The following PSAPL1 variants were observed in gnomAD, a reference collection of about 807,000 sequenced individuals.
PSAPL1 encodes proactivator polypeptide-like 1.
For synonymous variants in PSAPL1, 351 were observed against 291.6 expected (o/e 1.20, Z -2.08); for missense variants, 814 against 688.8 (o/e 1.18, Z -2.03).
In PSAPL1 at chr4:7,432,925, C is replaced by T. The variant is rs534186864; in HGVS notation, c.*389G>A. The T allele has an allele frequency of 7.7e-4, 128 of 165,584 alleles. No homozygotes were observed. The highest frequency in any genetic ancestry group is 2.6e-3 in the African/African-American group (109 of 42,200). 10.3% of individuals were successfully genotyped at this position (165,584 alleles called of 1,614,324 possible). A position where few individuals can be genotyped will look rare whatever the true frequency, so the allele number is the denominator to read the frequency against. On this transcript the variant is annotated 3_prime_UTR_variant, in exon 1 of 1. Transcript: ENST00000319098. ...CGAAGCCTCCGTCCACCCCTGCCTCCGCTCACCCCGGCCATGACCCCAGCC... is the reference window on the plus strand; with the variant it reads ...CGAAGCCTCCGTCCACCCCTGCCTCTGCTCACCCCGGCCATGACCCCAGCC...
At position 7,434,288 on chromosome 4, in the gene PSAPL1, C is replaced by G. The variant is rs1264082711; in HGVS notation, c.592G>C (p.Val198Leu). The change falls in exon 1 of 1, where the codon GTC (valine) becomes CTC (leucine). Residue 198 changes from valine (V) to leucine (L), a missense_variant. Transcript: ENST00000319098. ...VRQVSRLQEAVRSNLTLADLN... is the reference protein window; with the variant it reads ...VRQVSRLQEALRSNLTLADLN... ...TCGGCCAAGGTCAAGTTGGACCGGA[C>G]AGCCTCCTGGAGTCGGGAGACCTGC... is the stretch of plus-strand genomic sequence containing the variant. 1.2e-6 allele frequency: 2 copies of G among 1,612,888 alleles called. No individual in the cohort carries two copies. Among genetic ancestry groups the G allele is most frequent in the South Asian group, 1.1e-5 (1 of 90,990 alleles).
At chr4:7,433,439 G>A in the PSAPL1 span, 1 of 1,537,210 alleles carries the variant, frequency 6.5e-7, no homozygotes. Flanking sequence ...AGGGCACACT[G>A]GTCGGTGCCC....
rs770508380 is a variant in PSAPL1 at position 7,433,979 on chromosome 4, C to T, written c.901G>A (p.Val301Met). The T allele has an allele frequency of 2.5e-6, 4 of 1,613,830 alleles. No homozygotes were observed. The South Asian group carries it at 4.4e-5, about 18-fold the overall frequency. The change falls in exon 1 of 1, where the codon GTG (valine) becomes ATG (methionine). Residue 301 changes from valine to methionine, a missense_variant. Physicochemically the swap from Val to Met is conservative, Grantham distance 21. Coordinates refer to ENST00000319098, the MANE Select transcript of PSAPL1 (RefSeq NM_001085382.2). ...ATGAGCCAGTGGTCCAGCTTCTGCA[C>T]CACGTTCATGCACACCTCACAGGTC... ...GVTCEVCMNV[V>M]QKLDHWLMSN...
rs751440655 is a variant in PSAPL1 at position 7,434,009 on chromosome 4, C to T, written c.871G>A (p.Gly291Ser). ...TTCATGCACACCTCACAGGTCACAC[C>T]GGCCTTCATCTGCATCTCGCTCTGT... ...RKQSEMQMKA[G>S]VTCEVCMNVV... The change falls in exon 1 of 1, where the codon GGT becomes AGT. Residue 291 changes from glycine to serine, a missense_variant. By Grantham distance (56) the Gly-to-Ser change is moderately conservative. Transcript: ENST00000319098. 33 of 1,612,248 alleles carry T rather than the reference C, an allele frequency of 2.0e-5. No individual in the cohort carries two copies. The highest frequency in any genetic ancestry group is 1.6e-4 in the Middle Eastern group (1 of 6,082).
Position 7,433,324 on chromosome 4 carries a change from T to G in PSAPL1, c.1556A>C (p.Glu519Ala). The G allele has an allele frequency of 5.0e-6, 7 of 1,409,084 alleles. No homozygotes were observed. The highest frequency in any genetic ancestry group is 6.5e-6 in the Non-Finnish European group (7 of 1,078,268). 87.3% of individuals were successfully genotyped at this position (1,409,084 alleles called of 1,614,324 possible). ...VWKEMHLHAG[E>A]HA is the part of the protein sequence containing the mutation. The stretch of plus-strand genomic sequence containing the variant: ...CTCTGGCAGCCACGGTCACGCGTGT[T>G]CCCCAGCGTGGAGGTGCATCTCTTT... The change falls in exon 1 of 1, where the codon GAA becomes GCA. Residue 519 changes from glutamate (E) to alanine (A), a missense_variant. Transcript: ENST00000319098.
In PSAPL1 at chr4:7,433,987, A is replaced by G. The variant is rs1219643353; in HGVS notation, c.893T>C (p.Met298Thr). The stretch of plus-strand genomic sequence containing the variant: ...GTGGTCCAGCTTCTGCACCACGTTC[A>G]TGCACACCTCACAGGTCACACCGGC... ...MKAGVTCEVC[M>T]NVVQKLDHWL... Residue 298 changes from methionine (M) to threonine (T), a missense_variant, in exon 1 of 1, where the codon ATG becomes ACG. Transcript: ENST00000319098. 42 of 1,613,672 alleles carry G rather than the reference A, an allele frequency of 2.6e-5. No homozygotes were observed. Among genetic ancestry groups the G allele is most frequent in the Non-Finnish European group, 3.5e-5 (41 of 1,179,840 alleles).
In PSAPL1 at chr4:7,433,494, C is replaced by T. The variant is rs766198360; in HGVS notation, c.1386G>A (p.Val462=). 2.5e-6 allele frequency: 4 copies of T among 1,595,050 alleles called. No individual in the cohort carries two copies. Among genetic ancestry groups the T allele is most frequent in the Non-Finnish European group, 3.4e-6 (4 of 1,171,618 alleles). The change falls in exon 1 of 1, where the codon GTG becomes GTA. Residue 462 remains valine, a synonymous_variant. Transcript: ENST00000319098. ...SLKDMMDPVA[V]CKKVGACHGP... is the part of the protein sequence containing the mutation. ...CGTGGCAGGCCCCCACCTTCTTGCA[C>T]ACAGCCACGGGGTCCATCATGTCCT...
chr4:7,434,554 C>CTGA lies in PSAPL1; in HGVS notation c.325_326insTCA (p.Trp109delinsPheArg). The stretch of plus-strand genomic sequence containing the variant: ...GGCCGAACTGTGGGCATCCACCATC[C>CTGA]ACTTGCATCCGGCTGAAGACTCCTG... On this transcript the variant is annotated protein_altering_variant, in exon 1 of 1. Transcript: ENST00000319098. 1 of 1,613,516 alleles carries CTGA rather than the reference C, an allele frequency of 6.2e-7. No individual in the cohort carries two copies.
the PSAPL1 span, chr4:7,434,040 TG>T: frequency 6.2e-7 from 1 of 1,611,442 alleles, no homozygotes. Flanking sequence ...TCTGTTTCCT[TG>T]GCAACCCCAG....
Position 7,432,909 on chromosome 4 carries a change from C to T in PSAPL1, c.*405G>A, listed in dbSNP as rs1416186921. 14 of 161,844 alleles carry T rather than the reference C, an allele frequency of 8.7e-5. No individual in the cohort carries two copies. Among genetic ancestry groups the T allele is most frequent in the African/African-American group, 2.1e-4 (9 of 41,912 alleles). 10.0% of individuals were successfully genotyped at this position (161,844 alleles called of 1,614,324 possible). A position where few individuals can be genotyped will look rare whatever the true frequency, so the allele number is the denominator to read the frequency against. On this transcript the variant is annotated 3_prime_UTR_variant, in exon 1 of 1. Transcript: ENST00000319098. ...ACTAGTGATGGGCCCTCGAAGCCTC[C>T]GTCCACCCCTGCCTCCGCTCACCCC...
Position 7,434,652 on chromosome 4 carries a change from A to G in PSAPL1, c.228T>C (p.Asn76=). ...ACTCCGTGGCGTCAGGGTTCAGCCC[A>G]TTGCCAGCGGCGGCTGCTATGTCCT... ...VCQDIAAAAG[N]GLNPDATESD... The change falls in exon 1 of 1, where the codon AAT becomes AAC. Residue 76 remains asparagine (N), a synonymous_variant. Transcript: ENST00000319098. The G allele has an allele frequency of 1.2e-6, 2 of 1,613,282 alleles. No individual in the cohort carries two copies. Among genetic ancestry groups the G allele is most frequent in the Non-Finnish European group, 1.7e-6 (2 of 1,179,632 alleles).
At position 7,434,030 on chromosome 4, in the gene PSAPL1, T is replaced by C. The variant is rs779577160; in HGVS notation, c.850A>G (p.Ser284Gly). The stretch of plus-strand genomic sequence containing the variant: ...ACACCGGCCTTCATCTGCATCTCGC[T>C]CTGTTTCCTTGGCAACCCCAGCTCC... Reference protein sequence around the residue: ...SLELGLPRKQSEMQMKAGVTC... With the variant: ...SLELGLPRKQGEMQMKAGVTC... The change falls in exon 1 of 1, where the codon AGC becomes GGC. Residue 284 changes from serine to glycine, a missense_variant. Ser to Gly is a moderately conservative substitution (Grantham distance 56). Coordinates refer to ENST00000319098, the MANE Select transcript of PSAPL1 (RefSeq NM_001085382.2). 1.2e-6 allele frequency: 2 copies of C among 1,611,756 alleles called. No homozygotes were observed. The highest frequency in any genetic ancestry group is 4.5e-5 in the East Asian group (2 of 44,792).
At position 7,434,832 on chromosome 4, in the gene PSAPL1, C is replaced by T. The variant is rs773224327; in HGVS notation, c.48G>A (p.Arg16=). 1.9e-6 allele frequency: 3 copies of T among 1,595,398 alleles called. No homozygotes were observed. Among genetic ancestry groups the T allele is most frequent in the South Asian group, 2.3e-5 (2 of 88,356 alleles). ...LLLPSLLGAT[R]ASPTSGPQEC... ...CCTGGGGGCCTGAGGTGGGGCTGGC[C>T]CTGGTGGCCCCCAGGAGGCTGGGCA... Residue 16 remains arginine, a synonymous_variant, in exon 1 of 1, where the codon AGG becomes AGA. Transcript: ENST00000319098.
rs2109235179 is a variant in PSAPL1 at position 7,433,788 on chromosome 4, A to C, written c.1092T>G (p.Arg364=). The change falls in exon 1 of 1, where the codon CGT becomes CGG. Residue 364 remains arginine, a synonymous_variant. Transcript: ENST00000319098. ...ITPEKVCKFI[R]LCGNRRRARA... is the part of the protein sequence containing the mutation. The stretch of plus-strand genomic sequence containing the variant: ...GGGCCCGCCTCCGGTTGCCACACAG[A>C]CGGATGAACTTGCACACCTTCTCTG... 1 of 1,613,574 alleles carries C rather than the reference A, an allele frequency of 6.2e-7. No homozygotes were observed.
Position 7,431,221 on chromosome 4 carries a change from G to T in PSAPL1, c.*2093C>A, listed in dbSNP as rs956898987. 2.0e-5 allele frequency: 3 copies of T among 152,324 alleles called. No homozygotes were observed. Among genetic ancestry groups the T allele is most frequent in the African/African-American group, 7.2e-5 (3 of 41,448 alleles). 9.4% of individuals were successfully genotyped at this position (152,324 alleles called of 1,614,324 possible). ...CATCTAGTGGAGACGCATGTGCTCA[G>T]TGGGTCTGTGGGAGCAGCTGGTACC... On this transcript the variant is annotated 3_prime_UTR_variant, in exon 1 of 1. Transcript: ENST00000319098.
rs6854053 is a variant in PSAPL1 at position 7,430,461 on chromosome 4, T to C, written c.*2853A>G. The C allele has an allele frequency of 0.7, 105,694 of 151,990 alleles. 37,306 individuals are homozygous for C. The highest frequency in any genetic ancestry group is 0.82 in the African/African-American group (34,082 of 41,456). The allele number at this position is 151,990 out of a possible 1,614,324, so 9.4% of individuals were successfully genotyped here. A position where few individuals can be genotyped will look rare whatever the true frequency, so the allele number is the denominator to read the frequency against. On this transcript the variant is annotated 3_prime_UTR_variant, in exon 1 of 1. Coordinates refer to ENST00000319098, the MANE Select transcript of PSAPL1 (RefSeq NM_001085382.2). Reference sequence around the variant, plus strand: ...CAGGCTCCCACAGCCCCTCTGCATCTGGTGTGGCCGAGAAAGCCCGAGGGG... The same window carrying C: ...CAGGCTCCCACAGCCCCTCTGCATCCGGTGTGGCCGAGAAAGCCCGAGGGG...
In PSAPL1 at chr4:7,433,503, G is replaced by A. The variant is rs779261879; in HGVS notation, c.1377C>T (p.Pro459=). 22 of 1,602,290 alleles carry A rather than the reference G, an allele frequency of 1.4e-5. No individual in the cohort carries two copies. Among genetic ancestry groups the A allele is most frequent in the East Asian group, 9.0e-5 (4 of 44,494 alleles). The change falls in exon 1 of 1, where the codon CCC becomes CCT. Residue 459 remains proline (P), a synonymous_variant. Transcript: ENST00000319098. ...CCCCCACCTTCTTGCACACAGCCAC[G>A]GGGTCCATCATGTCCTTGAGACTCT... ...LIESLKDMMD[P]VAVCKKVGAC... is the part of the protein sequence containing the mutation.
At position 7,433,461 on chromosome 4, in the gene PSAPL1, C is replaced by T; in HGVS notation, c.1419G>A (p.Arg473=). ...CKKVGACHGP[R]TPLLGTDQCA... Reference sequence around the variant, plus strand: ...ACTGGTCGGTGCCCAGCAGTGGGGTCCTGGGGCCGTGGCAGGCCCCCACCT... The same window carrying T: ...ACTGGTCGGTGCCCAGCAGTGGGGTTCTGGGGCCGTGGCAGGCCCCCACCT... Residue 473 remains arginine (R), a synonymous_variant, in exon 1 of 1, where the codon AGG becomes AGA. Transcript: ENST00000319098. The T allele has an allele frequency of 1.9e-6, 3 of 1,566,080 alleles. No individual in the cohort carries two copies. Among genetic ancestry groups the T allele is most frequent in the East Asian group, 2.3e-5 (1 of 44,050 alleles).
chr4:7,434,852 T>C lies in PSAPL1; in HGVS notation c.28A>G (p.Ser10Gly). The C allele has an allele frequency of 6.3e-7, 1 of 1,584,524 alleles. No individual in the cohort carries two copies. The highest frequency in any genetic ancestry group is 8.6e-7 in the Non-Finnish European group (1 of 1,166,114). Residue 10 changes from serine (S) to glycine (G), a missense_variant, in exon 1 of 1, where the codon AGC (serine) becomes GGC (glycine). Coordinates refer to ENST00000319098, the MANE Select transcript of PSAPL1 (RefSeq NM_001085382.2). ...CTGGCCCTGGTGGCCCCCAGGAGGCTGGGCAGGAGGAGCAGGGCACACAGC... is the reference window on the plus strand; with the variant it reads ...CTGGCCCTGGTGGCCCCCAGGAGGCCGGGCAGGAGGAGCAGGGCACACAGC... MLCALLLLP[S>G]LLGATRASPT...
Sources: gnomAD v4.1 joint callset for allele counts on GRCh38, gnomAD v4.1.1 for gene constraint, MANE v1.5 for transcripts, NCBI Gene and HGNC (gene_info 2026-07-23, HGNC 2026-07-21) for gene names.